VSTM2B: variants seen among roughly 807,000 people sequenced by gnomAD.
VSTM2B encodes the protein V-set and transmembrane domain containing 2B.
A neutral mutation model predicts 24.0 loss-of-function variants in VSTM2B; 24 were observed. The observed-to-expected ratio is 1.00, with a 90% CI of 0.72 to 1.40. The LOEUF is 1.40. Among genes scored for constraint, VSTM2B ranks in the 40% most tolerant of loss-of-function variants. VSTM2B has a pLI of 0.00. For missense variants in VSTM2B, 399 were observed against 416.4 expected (o/e 0.96, Z 0.36); for synonymous variants, 226 against 194.4 (o/e 1.16, Z -1.35).
intron 4 of VSTM2B, among the ~76,000 whole-genome samples, chr19:29,544,361 C>T (rs1970094242): frequency 6.6e-6 from 1 of 150,870 alleles, no homozygotes; most frequent in East Asian, 2.0e-4. Flanking sequence ...CCCGTCTCTA[C>T]TGAAAATATA....
chr19:29,543,026 A>T (rs71363984), intron 4 of VSTM2B, among the ~76,000 whole-genome samples: 8,863 of 152,218 alleles, frequency 0.058, 313 homozygotes, highest in Middle Eastern at 0.11. Context: ...CTAATCCCTC[A>T]GCCTTTAGGG....
chr19:29,530,635 G>A (rs1192377502), intron 4 of VSTM2B, among the ~76,000 whole-genome samples: 1 of 152,146 alleles, frequency 6.6e-6, no homozygotes, highest in Non-Finnish European at 1.5e-5. Flanking sequence ...ATGGTGGCAA[G>A]GGGCCAGTAC....
intron 4 of VSTM2B, among the ~76,000 whole-genome samples, chr19:29,548,915 G>A (rs374060681): frequency 3.9e-5 from 6 of 152,312 alleles, no homozygotes; most frequent in South Asian, 2.1e-4. Flanking sequence ...GCCCAACTGC[G>A]CAGGAGGCTG....
intron 2 of VSTM2B, 120 bp from the exon 3 acceptor site, chr19:29,528,313 C>T (rs1314087308): frequency 3.2e-6 from 4 of 1,257,460 alleles, no homozygotes; most frequent in East Asian, 2.5e-5. Context: ...AACCCCCATC[C>T]CCCGGGCGGT....
At chr19:29,532,741 T>C (rs1969789239) in intron 4 of VSTM2B, among the ~76,000 whole-genome samples, 1 of 152,184 alleles carries the variant, frequency 6.6e-6, no homozygotes, top group African/African-American at 2.4e-5. Flanking sequence ...ATCACCCTGG[T>C]CATTAGCTGC....
intron 4 of VSTM2B, among the ~76,000 whole-genome samples, chr19:29,550,009 C>T (rs1970241982): frequency 6.6e-6 from 1 of 152,254 alleles, no homozygotes; most frequent in Non-Finnish European, 1.5e-5. Flanking sequence ...GGGCTGCCTT[C>T]TTGTTTCATT....
intron 4 of VSTM2B, among the ~76,000 whole-genome samples, chr19:29,537,739 G>T (rs141653745): frequency 1.9e-5 from 2 of 106,756 alleles, no homozygotes; most frequent in East Asian, 2.8e-4. Flanking sequence ...CTACTCTCCC[G>T]CACCCACCTA....
intron 4 of VSTM2B, among the ~76,000 whole-genome samples, chr19:29,559,657 C>T (rs1970485305): frequency 6.6e-6 from 1 of 152,160 alleles, no homozygotes; most frequent in Non-Finnish European, 1.5e-5. Context: ...GTTTGCCTTG[C>T]TTGTTCTAGC....
At chr19:29,563,126 G>A (rs1194650393) in intron 4 of VSTM2B, among the ~76,000 whole-genome samples, 2 of 152,162 alleles carry the variant, frequency 1.3e-5, no homozygotes, top group African/African-American at 4.8e-5. Flanking sequence ...AGGGGATGCC[G>A]GGATGCACAA....
chr19:29,562,886 T>C (rs1970566826), intron 4 of VSTM2B, among the ~76,000 whole-genome samples: 1 of 152,156 alleles, frequency 6.6e-6, no homozygotes, highest in Non-Finnish European at 1.5e-5. Context: ...GGCCAGGTTA[T>C]GATCACACTG....
At chr19:29,556,254 A>T (rs1022531752) in intron 4 of VSTM2B, among the ~76,000 whole-genome samples, 1 of 150,812 alleles carries the variant, frequency 6.6e-6, no homozygotes, top group Non-Finnish European at 1.5e-5. Context: ...TGCACAAAAC[A>T]TAATTCTAAA....
chr19:29,545,891 A>G (rs997626421), intron 4 of VSTM2B, among the ~76,000 whole-genome samples: 1 of 151,920 alleles, frequency 6.6e-6, no homozygotes, highest in Admixed American at 6.5e-5. Context: ...AAAGAAAAGA[A>G]AAACGGCACT....
At chr19:29,561,058 T>A (rs1204697402) in intron 4 of VSTM2B, among the ~76,000 whole-genome samples, 1 of 152,164 alleles carries the variant, frequency 6.6e-6, no homozygotes, top group African/African-American at 2.4e-5. Flanking sequence ...ATACCTGTAA[T>A]CCCAGCACTT....
intron 4 of VSTM2B, among the ~76,000 whole-genome samples, chr19:29,562,312 AGTGT>A (rs745995837): frequency 2.0e-5 from 3 of 152,160 alleles, no homozygotes; most frequent in Non-Finnish European, 4.4e-5. Context: ...GGAAGGACTA[AGTGT>A]GCTGCTACCT....
intron 4 of VSTM2B, among the ~76,000 whole-genome samples, chr19:29,563,615 G>A (rs1970583394): frequency 1.3e-5 from 2 of 152,162 alleles, no homozygotes; most frequent in African/African-American, 4.8e-5. Flanking sequence ...CAGGCCAGGC[G>A]CTTGTGTCTG....
Position 29,546,770 on chromosome 19 carries a change from A to G in VSTM2B, c.769+16480A>G, listed in dbSNP as rs143079067. 2.8e-3 allele frequency among the ~76,000 whole-genome samples: 418 copies of G among 151,926 alleles called. 2 individuals carry two copies. The highest frequency in any genetic ancestry group is 9.9e-3 in the African/African-American group (408 of 41,364). ...GAGTAAAGGCCTGTTTGCCATTCAC[A>G]TTAAGTGACATCATTAAAGGGCCAT... On this transcript the variant is annotated intron_variant, in intron 4 of 4. Transcript: ENST00000335523.
At chr19:29,555,820 A>C (rs985277037) in intron 4 of VSTM2B, among the ~76,000 whole-genome samples, 15 of 152,128 alleles carry the variant, frequency 9.9e-5, no homozygotes, top group African/African-American at 2.9e-4. Flanking sequence ...GAAACGAAAA[A>C]ATTTCTGGAT....
At chr19:29,539,606 C>G (rs576991120) in intron 4 of VSTM2B, among the ~76,000 whole-genome samples, 1 of 152,184 alleles carries the variant, frequency 6.6e-6, no homozygotes, top group Non-Finnish European at 1.5e-5. Context: ...CTCACGCCAC[C>G]GTTACAGGCT....
intron 4 of VSTM2B, among the ~76,000 whole-genome samples, chr19:29,556,174 C>G (rs1195857121): frequency 6.6e-6 from 1 of 151,672 alleles, no homozygotes; most frequent in African/African-American, 2.4e-5. Context: ...CAATAAAATA[C>G]TGGCACACCA....
Sources: gnomAD v4.1 joint callset for allele counts (sites outside exome capture counted in the v4.1 genomes callset) on GRCh38, gnomAD v4.1.1 for gene constraint, MANE v1.5 for transcripts, NCBI Gene and HGNC (gene_info 2026-07-23, HGNC 2026-07-21) for gene names.